SFSWAP: variants seen among roughly 807,000 people sequenced by gnomAD.
SFSWAP encodes splicing factor SWAP, also known as splicing factor, suppressor of white-apricot homolog.
A neutral mutation model predicts 100.7 loss-of-function variants in SFSWAP; 17 were observed. The ratio of observed to expected loss-of-function variants is 0.17; its 90% CI spans 0.12 to 0.25. The LOEUF (loss-of-function observed/expected upper bound fraction) is 0.25, where lower values mean the gene tolerates loss of function less well. Among genes scored for constraint, SFSWAP ranks in the 10% least tolerant of loss-of-function variants. The probability of loss-of-function intolerance (pLI) is 1.00; values close to 1 mark genes in which losing one functional copy is unlikely to be tolerated. For missense variants in SFSWAP, 1,005 were observed against 1,262.6 expected (o/e 0.80, Z 3.09); for synonymous variants, 504 against 510.1 (o/e 0.99, Z 0.16).
intron 6 of SFSWAP, 129 bp from the exon 7 acceptor site, chr12:131,728,164 T>G (rs913587304): frequency 2.0e-6 from 2 of 1,000,858 alleles, no homozygotes; most frequent in Non-Finnish European, 3.0e-6. Flanking sequence ...AGGACCTCCA[T>G]GGGTGCGTGC....
intron 12 of SFSWAP, 87 bp downstream of exon 12, chr12:131,764,773 C>T (rs1169533423): frequency 6.5e-6 from 6 of 927,370 alleles, no homozygotes; most frequent in Non-Finnish European, 9.8e-6. Context: ...CTCGAGGCTG[C>T]CAACTAGAAT....
chr12:131,785,159 A>T (rs1031977936), intron 14 of SFSWAP: 22 of 1,535,580 alleles, frequency 1.4e-5, no homozygotes, highest in Non-Finnish European at 1.9e-5. Context: ...GGAAGTTATC[A>T]GGCAGCCTCG....
At chr12:131,746,518 C>T (rs1881116909) in intron 7 of SFSWAP, among the ~76,000 whole-genome samples, 1 of 152,202 alleles carries the variant, frequency 6.6e-6, no homozygotes, top group Non-Finnish European at 1.5e-5. Flanking sequence ...TGTTCTGAGC[C>T]TGTAGCCAGT....
chr12:131,750,918 C>G (rs895640960), intron 7 of SFSWAP, among the ~76,000 whole-genome samples: 1 of 152,180 alleles, frequency 6.6e-6, no homozygotes, highest in Non-Finnish European at 1.5e-5. Flanking sequence ...GAAGCATCCT[C>G]CCACCTCAGC....
chr12:131,715,450 T>C (rs1270812197), intron 3 of SFSWAP, among the ~76,000 whole-genome samples: 1 of 152,232 alleles, frequency 6.6e-6, no homozygotes, highest in Non-Finnish European at 1.5e-5. Context: ...ACCTAGGGCA[T>C]ATACTTACCA....
intron 7 of SFSWAP, 78 bp downstream of exon 7, chr12:131,728,506 G>A: frequency 1.3e-6 from 2 of 1,487,964 alleles, no homozygotes; most frequent in Middle Eastern, 1.8e-4. Context: ...TAAACCCCAA[G>A]TGTTCTGTCC....
In SFSWAP at chr12:131,734,246, A is replaced by G. The variant is rs899547377; in HGVS notation, c.1081+5818A>G. The stretch of plus-strand genomic sequence containing the variant: ...GCTGGGTGTGGCTCGTACATAGGAC[A>G]GGGCCCACACACTGGATTCACGTTT... On this transcript the variant is annotated intron_variant, in intron 7 of 17. Coordinates refer to ENST00000261674, the MANE Select transcript of SFSWAP (RefSeq NM_004592.4). The surrounding 1 kb of genome is among the most constrained non-coding windows in gnomAD (Gnocchi z 4.9). 2.6e-5 allele frequency among the ~76,000 whole-genome samples: 4 copies of G among 152,240 alleles called. No homozygotes were observed. The highest frequency in any genetic ancestry group is 9.6e-5 in the African/African-American group (4 of 41,472).
chr12:131,731,260 G>A (rs991583595), intron 7 of SFSWAP, among the ~76,000 whole-genome samples: 2 of 152,190 alleles, frequency 1.3e-5, no homozygotes, highest in African/African-American at 2.4e-5. Context: ...ACGCAAGCCC[G>A]GGCAGTGCGG....
chr12:131,775,352 C>G (rs149268211), intron 13 of SFSWAP, among the ~76,000 whole-genome samples: 6 of 152,334 alleles, frequency 3.9e-5, no homozygotes, highest in Non-Finnish European at 7.4e-5. Context: ...CCTGCAGCAG[C>G]TCTGACTTCC....
intron 17 of SFSWAP, 91 bp from the exon 18 acceptor site, chr12:131,799,332 C>CTTGACCACCAACTCG: frequency 7.2e-7 from 1 of 1,391,242 alleles, no homozygotes; most frequent in Non-Finnish European, 1.0e-6. Context: ...ACCGTCTGGT[C>CTTGACCACCAACTCG]TTGACCACCA....
rs1884181985 is a variant in SFSWAP at position 131,778,246 on chromosome 12, A to G, written c.2324A>G (p.His775Arg). 1.9e-6 allele frequency: 3 copies of G among 1,614,210 alleles called. No homozygotes were observed. The highest frequency in any genetic ancestry group is 1.7e-6 in the Non-Finnish European group (2 of 1,180,032). ...ACAAGATCACGTTCTCCCAAGTACC[A>G]TTCGTCATCCAAGTCCAGGTCTAGA... The part of the protein sequence containing the change: ...SRTRSRSPKY[H>R]SSSKSRSRSH... Residue 775 changes from histidine to arginine, a missense_variant, in exon 14 of 18, where the codon CAT becomes CGT. His to Arg is a conservative substitution (Grantham distance 29). This residue lies in a region of SFSWAP where 295 missense variants were observed against 347.9 expected (regional missense o/e 0.85). Transcript: ENST00000261674. This position sits in a 1 kb window ranked among gnomAD's most constrained non-coding sequence, Gnocchi z 4.2.
chr12:131,740,386 T>C (rs2136206859), intron 7 of SFSWAP, among the ~76,000 whole-genome samples: 1 of 152,310 alleles, frequency 6.6e-6, no homozygotes, highest in South Asian at 2.1e-4. Flanking sequence ...AGGTGGATGC[T>C]CTTTCTGACC....
intron 4 of SFSWAP, 74 bp downstream of exon 4, chr12:131,719,613 C>T: frequency 8.3e-7 from 1 of 1,200,718 alleles, no homozygotes; most frequent in Non-Finnish European, 1.2e-6. Flanking sequence ...TGGGAAAGCT[C>T]AATAATGATT....
intron 7 of SFSWAP, among the ~76,000 whole-genome samples, chr12:131,732,956 A>G (rs1004802909): frequency 1.6e-4 from 25 of 152,180 alleles, no homozygotes; most frequent in African/African-American, 5.1e-4. Context: ...GGGCGGGGCT[A>G]GTGTCCTTGG....
chr12:131,791,593 G>A lies in SFSWAP; in HGVS notation c.2534+5005G>A, dbSNP rs192549833. Reference sequence around the variant, plus strand: ...TAGTGAAACTCTGTCTCTACTATAAGTACAAAAAATTAACCGGGTGTGGTA... The same window carrying A: ...TAGTGAAACTCTGTCTCTACTATAAATACAAAAAATTAACCGGGTGTGGTA... On this transcript the variant is annotated intron_variant, in intron 15 of 17. Coordinates refer to ENST00000261674, the MANE Select transcript of SFSWAP (RefSeq NM_004592.4). Among the ~76,000 whole-genome samples, 301 of 151,432 alleles carry A rather than the reference G, an allele frequency of 2.0e-3. 1 individual carries two copies. Among genetic ancestry groups the A allele is most frequent in the African/African-American group, 7.1e-3 (292 of 41,236 alleles).
chr12:131,767,616 A>G (rs1299882728), intron 13 of SFSWAP, among the ~76,000 whole-genome samples: 1 of 152,244 alleles, frequency 6.6e-6, no homozygotes, highest in African/African-American at 2.4e-5. Flanking sequence ...TACATCTACA[A>G]TTAGACAATA....
At position 131,756,576 on chromosome 12, in the gene SFSWAP, G is replaced by A. The variant is rs758011322; in HGVS notation, c.1652G>A (p.Arg551Gln). ...GAAGACGCAGCCGAGGTGGGAGCAC[G>A]GGCAGGCTCAGGCGGGAAGAAGGAG... Reference protein sequence around the residue: ...APEDAAEVGARAGSGGKKEAS... With the variant: ...APEDAAEVGAQAGSGGKKEAS... The change falls in exon 11 of 18, where the codon CGG becomes CAG. Residue 551 changes from arginine (R) to glutamine (Q), a missense_variant. Arg to Gln is a conservative substitution (Grantham distance 43). Coordinates refer to ENST00000261674, the MANE Select transcript of SFSWAP (RefSeq NM_004592.4). 1.4e-5 allele frequency: 23 copies of A among 1,613,554 alleles called. No individual in the cohort carries two copies. Among genetic ancestry groups the A allele is most frequent in the East Asian group, 2.2e-5 (1 of 44,882 alleles).
At chr12:131,738,378 G>A (rs956489212) in intron 7 of SFSWAP, among the ~76,000 whole-genome samples, 1 of 152,160 alleles carries the variant, frequency 6.6e-6, no homozygotes, top group African/African-American at 2.4e-5. Flanking sequence ...TGAGGTCATC[G>A]TGCTAAATAA....
rs988122741 is a variant in SFSWAP, at chr12:131,734,460, T to C, written c.1081+6032T>C. On this transcript the variant is annotated intron_variant, in intron 7 of 17. Coordinates refer to ENST00000261674, the MANE Select transcript of SFSWAP (RefSeq NM_004592.4). This position sits in a 1 kb window ranked among gnomAD's most constrained non-coding sequence, Gnocchi z 4.9. ...AGAGGCAGCCGCCCACCCCACGCACTCCCTGCTTGTAAGCCGGGGCCGCAT... is the reference window on the plus strand; with the variant it reads ...AGAGGCAGCCGCCCACCCCACGCACCCCCTGCTTGTAAGCCGGGGCCGCAT... Among the ~76,000 whole-genome samples the C allele has an allele frequency of 1.3e-5, 2 of 152,156 alleles. No homozygotes were observed. Among genetic ancestry groups the C allele is most frequent in the African/African-American group, 4.8e-5 (2 of 41,432 alleles).
Sources: allele counts gnomAD v4.1 joint callset (sites outside exome capture counted in the v4.1 genomes callset), GRCh38; gene constraint gnomAD v4.1.1; regional missense constraint gnomAD v4.1.1; non-coding constraint Gnocchi (gnomAD v3.1); transcripts MANE v1.5; gene names NCBI Gene and HGNC (gene_info 2026-07-23, HGNC 2026-07-21).